The following GALNTL6 variants were observed in gnomAD, a reference collection of about 807,000 sequenced individuals.
The protein encoded by GALNTL6 is polypeptide N-acetylgalactosaminyltransferase like 6, also known as polypeptide N-acetylgalactosaminyltransferase-like 6.
Under a neutral mutation model 73.7 loss-of-function variants are expected in GALNTL6, and 46 were observed. The observed-to-expected ratio is 0.62, with a 90% CI of 0.49 to 0.80. The LOEUF (loss-of-function observed/expected upper bound fraction) is 0.80, where lower values mean the gene tolerates loss of function less well. Among genes scored for constraint, GALNTL6 ranks in the 30% least tolerant of loss-of-function variants. The pLI, the probability that GALNTL6 is intolerant of heterozygous loss-of-function variation, is 0.00. For missense variants in GALNTL6, 604 were observed against 755.0 expected (o/e 0.80, Z 2.34); for synonymous variants, 259 against 263.7 (o/e 0.98, Z 0.17).
intron 5 of GALNTL6, among the ~76,000 whole-genome samples, chr4:172,699,808 A>T (rs1362094776): frequency 1.8e-4 from 12 of 68,500 alleles, no homozygotes; most frequent in Admixed American, 1.3e-3. Context: ...GATGTATTAC[A>T]AAAAGAAAAA....
At chr4:172,031,828 T>A (rs1426590622) in intron 2 of GALNTL6, among the ~76,000 whole-genome samples, 2 of 152,074 alleles carry the variant, frequency 1.3e-5, no homozygotes, top group Non-Finnish European at 2.9e-5. Flanking sequence ...ATAATTTATA[T>A]ATAAAGTACC....
intron 2 of GALNTL6, among the ~76,000 whole-genome samples, chr4:171,876,800 C>T (rs1010851369): frequency 1.3e-5 from 2 of 152,194 alleles, no homozygotes; most frequent in African/African-American, 2.4e-5. Context: ...TTGTGAATTA[C>T]ATATTTCCTC....
chr4:172,178,373 A>T (rs1439928414), intron 2 of GALNTL6, among the ~76,000 whole-genome samples: 1 of 152,102 alleles, frequency 6.6e-6, no homozygotes, highest in Non-Finnish European at 1.5e-5. Context: ...GCACCCATCA[A>T]CCTGTAATCT....
At chr4:172,360,805 A>G (rs917970325) in intron 5 of GALNTL6, among the ~76,000 whole-genome samples, 3 of 152,214 alleles carry the variant, frequency 2.0e-5, no homozygotes, top group Non-Finnish European at 4.4e-5. Flanking sequence ...TTGAAAGAGA[A>G]TAGAAATGGC....
chr4:171,978,238 T>C (rs1739779780), intron 2 of GALNTL6, among the ~76,000 whole-genome samples: 1 of 149,716 alleles, frequency 6.7e-6, no homozygotes, highest in Admixed American at 6.6e-5. Flanking sequence ...TAGGAATATG[T>C]GAGTTGTTAT....
chr4:172,464,006 T>C (rs934558895), intron 5 of GALNTL6, among the ~76,000 whole-genome samples: 7 of 152,196 alleles, frequency 4.6e-5, no homozygotes, highest in African/African-American at 1.7e-4. Context: ...TATTTCATCT[T>C]ATTCTTTTCT....
chr4:172,950,922 C>T (rs900421279), intron 9 of GALNTL6, among the ~76,000 whole-genome samples: 4 of 152,178 alleles, frequency 2.6e-5, no homozygotes, highest in Non-Finnish European at 5.9e-5. Context: ...TGAAAATGTA[C>T]TGCAGCACAT....
At chr4:172,377,038 C>G (rs957705703) in intron 5 of GALNTL6, among the ~76,000 whole-genome samples, 1 of 152,068 alleles carries the variant, frequency 6.6e-6, no homozygotes, top group Admixed American at 6.5e-5. Context: ...AGCGAAAGAA[C>G]AAAGCTTCCA....
intron 5 of GALNTL6, among the ~76,000 whole-genome samples, chr4:172,419,278 G>C (rs1730961200): frequency 6.6e-6 from 1 of 152,104 alleles, no homozygotes; most frequent in Non-Finnish European, 1.5e-5. Context: ...GTCCTGGCAT[G>C]GCTCTTTCTG....
chr4:172,648,896 A>G (rs1740358468), intron 5 of GALNTL6, among the ~76,000 whole-genome samples: 1 of 152,134 alleles, frequency 6.6e-6, no homozygotes, highest in Non-Finnish European at 1.5e-5. Context: ...TTTCCTGTGA[A>G]TGGGGCTGTC....
At chr4:172,298,916 T>C (rs1739792950) in intron 3 of GALNTL6, among the ~76,000 whole-genome samples, 1 of 152,228 alleles carries the variant, frequency 6.6e-6, no homozygotes, top group Admixed American at 6.5e-5. Context: ...CTTTTTCTAT[T>C]GATTGAAATA....
intron 10 of GALNTL6, among the ~76,000 whole-genome samples, chr4:172,998,916 G>A (rs952927134): frequency 5.3e-5 from 8 of 151,208 alleles, no homozygotes; most frequent in East Asian, 1.9e-4. Flanking sequence ...TTACTCATAC[G>A]TGGTTGCATC....
At chr4:172,838,885 G>A (rs554127742) in intron 7 of GALNTL6, among the ~76,000 whole-genome samples, 1 of 152,152 alleles carries the variant, frequency 6.6e-6, no homozygotes, top group South Asian at 2.1e-4. Context: ...ATCACCACAG[G>A]GCATAAATGA....
At chr4:172,580,857 G>A (rs35281461) in intron 5 of GALNTL6, among the ~76,000 whole-genome samples, 70,909 of 152,066 alleles carry the variant, frequency 0.47, 18,074 homozygotes, top group Non-Finnish European at 0.55. Flanking sequence ...TCGGCTCACC[G>A]CAACCTCCAT....
At chr4:171,822,681 C>A (rs528716633) in intron 2 of GALNTL6, among the ~76,000 whole-genome samples, 3 of 152,076 alleles carry the variant, frequency 2.0e-5, no homozygotes, top group African/African-American at 7.2e-5. Context: ...ATTGTTGATA[C>A]CATATTTTTG....
chr4:171,900,171 A>C (rs1037365321), intron 2 of GALNTL6, among the ~76,000 whole-genome samples: 1 of 152,204 alleles, frequency 6.6e-6, no homozygotes, highest in Non-Finnish European at 1.5e-5. Flanking sequence ...TATTATAAAA[A>C]AGATGGGGTT....
At chr4:172,376,446 G>T (rs79173293) in intron 5 of GALNTL6, among the ~76,000 whole-genome samples, 2 of 151,974 alleles carry the variant, frequency 1.3e-5, no homozygotes, top group Non-Finnish European at 2.9e-5. Flanking sequence ...GTCGACCCTC[G>T]ACTCAGCCCA....
rs199863078 is a variant in GALNTL6 at position 172,730,985 on chromosome 4, C to A, written c.554-78376C>A. 4.0e-5 allele frequency among the ~76,000 whole-genome samples: 6 copies of A among 151,088 alleles called. No homozygotes were observed. The East Asian group carries it at 1.2e-3, about 30-fold the overall frequency. On this transcript the variant is annotated intron_variant, in intron 5 of 12. Transcript: ENST00000506823. ...CTCCCAGCTACTTGGGAGGCTGAGG[C>A]AGGAGAATCACTTGAACCCAAGAGG...
At position 172,361,656 on chromosome 4, in the gene GALNTL6, AC is replaced by A. The variant is rs546871660; in HGVS notation, c.553+12972del. Among the ~76,000 whole-genome samples, 28 of 152,174 alleles carry A rather than the reference AC, an allele frequency of 1.8e-4. No homozygotes were observed. The South Asian group carries it at 5.6e-3, about 30-fold the overall frequency. On this transcript the variant is annotated intron_variant, in intron 5 of 12. Transcript: ENST00000506823. ...TTTTCAATGTCTGCAAACGGGGTTA[AC>A]CCCCTTTTTTTCATTAGTGAGTCAA... is the stretch of plus-strand genomic sequence containing the variant.
Sources: allele counts gnomAD v4.1 joint callset (sites outside exome capture counted in the v4.1 genomes callset), GRCh38; gene constraint gnomAD v4.1.1; transcripts MANE v1.5; gene names NCBI Gene and HGNC (gene_info 2026-07-23, HGNC 2026-07-21).